Variants in PCDH15 observed in about 807,000 individuals in gnomAD.
PCDH15 encodes the protein protocadherin related 15, also known as protocadherin-15.
PCDH15 carries 129 observed loss-of-function variants against 178.5 expected under a neutral mutation model. The ratio of observed to expected loss-of-function variants is 0.72; its 90% CI spans 0.63 to 0.84. PCDH15 has a LOEUF of 0.84. PCDH15 is among the 40% of genes least tolerant of loss of function. The pLI, the probability that PCDH15 is intolerant of heterozygous loss-of-function variation, is 0.00. For synonymous variants in PCDH15, 800 were observed against 732.0 expected (o/e 1.09, Z -1.50); for missense variants, 2,230 against 2,099.9 (o/e 1.06, Z -1.21).
intron 26 of PCDH15, among the ~76,000 whole-genome samples, chr10:53,881,846 G>C (rs1011637794): frequency 2.6e-5 from 4 of 152,122 alleles, no homozygotes; most frequent in Non-Finnish European, 5.9e-5. Context: ...ATGAAATATT[G>C]TGGAAGCATC....
At chr10:54,693,077 CTCTG>C (rs1228966834) in intron 1 of PCDH15, among the ~76,000 whole-genome samples, 15 of 152,048 alleles carry the variant, frequency 9.9e-5, no homozygotes, top group African/African-American at 2.9e-4. Flanking sequence ...GTTCCCCTCT[CTCTG>C]TCTATGTGTT....
chr10:53,819,328 A>G (rs2076173102), intron 33 of PCDH15, among the ~76,000 whole-genome samples: 1 of 152,028 alleles, frequency 6.6e-6, no homozygotes, highest in African/African-American at 2.4e-5. Flanking sequence ...TCAATAGATA[A>G]ACTATAACTC....
chr10:54,029,837 A>G (rs759171392), intron 18 of PCDH15, among the ~76,000 whole-genome samples: 14 of 152,072 alleles, frequency 9.2e-5, no homozygotes, highest in African/African-American at 1.9e-4. Flanking sequence ...GTGGAAGTCC[A>G]TTACTGGGTT....
At chr10:53,920,387 AGT>A (rs2083898130) in intron 25 of PCDH15, among the ~76,000 whole-genome samples, 1 of 152,076 alleles carries the variant, frequency 6.6e-6, no homozygotes, top group South Asian at 2.1e-4. Flanking sequence ...AGTGCATATA[AGT>A]GTATGTATAG....
intron 1 of PCDH15, among the ~76,000 whole-genome samples, chr10:54,765,833 G>A (rs1948440833): frequency 6.6e-6 from 1 of 152,110 alleles, no homozygotes. Context: ...AGAGGGTAAT[G>A]ATATTGAGAA....
At chr10:53,809,477 C>A (rs1396003388) in intron 37 of PCDH15, 2 of 1,613,878 alleles carry the variant, frequency 1.2e-6, no homozygotes, top group Non-Finnish European at 1.7e-6. Context: ...TCGATAGTTA[C>A]AACTACTTCT....
chr10:54,765,667 T>C (rs1264811021), intron 1 of PCDH15, among the ~76,000 whole-genome samples: 7 of 152,128 alleles, frequency 4.6e-5, no homozygotes, highest in Admixed American at 6.5e-5. Context: ...CAAAGTACTT[T>C]ATATATAACA....
Position 53,995,710 on chromosome 10 carries a change from G to A in PCDH15, c.2807C>T (p.Ala936Val), listed in dbSNP as rs369029215. 138 of 1,613,736 alleles carry A rather than the reference G, an allele frequency of 8.6e-5. No individual in the cohort carries two copies. Among genetic ancestry groups the A allele is most frequent in the Non-Finnish European group, 1.1e-4 (127 of 1,179,830 alleles). Residue 936 changes from alanine to valine, a missense_variant, in exon 21 of 38, where the codon GCT becomes GTT. By Grantham distance (64) the Ala-to-Val change is moderately conservative (BLOSUM62 0). Coordinates refer to ENST00000644397, the MANE Select transcript of PCDH15 (RefSeq NM_001384140.1). ...FSKRIYKGMV[A>V]PDAVKGTPIT... is the part of the protein sequence containing the mutation. ...AGGTGTACCCTTGACTGCATCCGGAGCCACCATCCCTTTGTATATTCGTTT... is the reference window on the plus strand; with the variant it reads ...AGGTGTACCCTTGACTGCATCCGGAACCACCATCCCTTTGTATATTCGTTT...
intron 3 of PCDH15, among the ~76,000 whole-genome samples, chr10:54,855,016 G>A (rs768993650): frequency 1.3e-5 from 2 of 152,216 alleles, no homozygotes; most frequent in Non-Finnish European, 2.9e-5. Context: ...TCTTAGGCTT[G>A]TCACTGGCCA....
chr10:54,064,471 C>T (rs989222631), intron 18 of PCDH15, among the ~76,000 whole-genome samples: 1 of 152,164 alleles, frequency 6.6e-6, no homozygotes, highest in African/African-American at 2.4e-5. Context: ...GAAGGTGGGG[C>T]TTCACCAGGG....
At chr10:54,625,590 T>G (rs181289217) in intron 2 of PCDH15, among the ~76,000 whole-genome samples, 1 of 152,168 alleles carries the variant, frequency 6.6e-6, no homozygotes, top group Non-Finnish European at 1.5e-5. Flanking sequence ...CTGCCATCCA[T>G]GTAAGATGTC....
At chr10:54,272,439 T>C (rs2132515356) in intron 8 of PCDH15, among the ~76,000 whole-genome samples, 1 of 152,216 alleles carries the variant, frequency 6.6e-6, no homozygotes, top group East Asian at 1.9e-4. Flanking sequence ...ATGGTGAAAT[T>C]AAAATTATTT....
At chr10:53,984,821 T>A (rs2090984845) in intron 21 of PCDH15, among the ~76,000 whole-genome samples, 1 of 152,322 alleles carries the variant, frequency 6.6e-6, no homozygotes, top group African/African-American at 2.4e-5. Context: ...CCATTTATGG[T>A]ACATTGTATT....
intron 3 of PCDH15, among the ~76,000 whole-genome samples, chr10:54,848,662 T>C (rs929373602): frequency 6.6e-6 from 1 of 152,194 alleles, no homozygotes; most frequent in African/African-American, 2.4e-5. Context: ...TATGCTGCTA[T>C]ATGCAATAGA....
chr10:54,303,131 C>G (rs2060243438), intron 8 of PCDH15, among the ~76,000 whole-genome samples: 1 of 152,046 alleles, frequency 6.6e-6, no homozygotes, highest in African/African-American at 2.4e-5. Flanking sequence ...TGGTACAGTT[C>G]TTGACTGAGA....
intron 2 of PCDH15, among the ~76,000 whole-genome samples, chr10:55,067,165 C>T (rs140378663): frequency 1.3e-5 from 2 of 152,064 alleles, no homozygotes; most frequent in African/African-American, 4.8e-5. Flanking sequence ...CTCTAGTCTG[C>T]TATCAAACAT....
At chr10:55,019,314 A>G (rs533081184) in intron 2 of PCDH15, among the ~76,000 whole-genome samples, 1 of 152,274 alleles carries the variant, frequency 6.6e-6, no homozygotes, top group South Asian at 2.1e-4. Flanking sequence ...TTCAAACATA[A>G]TACAACATTT....
chr10:55,193,828 C>G (rs1043302762), intron 1 of PCDH15, among the ~76,000 whole-genome samples: 9 of 151,860 alleles, frequency 5.9e-5, no homozygotes, highest in Non-Finnish European at 8.8e-5. Context: ...TTATATATAT[C>G]CCAGAGGTTA....
intron 8 of PCDH15, among the ~76,000 whole-genome samples, chr10:54,266,702 G>T (rs1350611246): frequency 6.6e-6 from 1 of 151,854 alleles, no homozygotes; most frequent in Non-Finnish European, 1.5e-5. Context: ...TAACCTAGGA[G>T]AAATGGATAC....
Sources: allele counts gnomAD v4.1 joint callset (sites outside exome capture counted in the v4.1 genomes callset), GRCh38; gene constraint gnomAD v4.1.1; transcripts MANE v1.5; gene names NCBI Gene and HGNC (gene_info 2026-07-23, HGNC 2026-07-21).